Variants in NFASC observed in about 807,000 individuals in gnomAD.
The protein encoded by NFASC is neurofascin homolog.
Under a neutral mutation model 147.5 loss-of-function variants are expected in NFASC, and 43 were observed. That is an observed-to-expected ratio of 0.29 (90% confidence interval 0.23 to 0.38). The LOEUF (loss-of-function observed/expected upper bound fraction) is 0.38. NFASC is among the 10% of genes least tolerant of loss of function. The pLI, the probability that NFASC is intolerant of heterozygous loss-of-function variation, is 1.00. For missense variants in NFASC, 1,320 were observed against 1,689.0 expected (o/e 0.78, Z 3.83); for synonymous variants, 622 against 665.5 (o/e 0.93, Z 1.01).
intron 1 of NFASC, among the ~76,000 whole-genome samples, chr1:204,829,768 G>A (rs1257326794): frequency 6.6e-6 from 1 of 152,192 alleles, no homozygotes. Context: ...GAGCCCTGAT[G>A]TAAAGGCCTG....
intron 1 of NFASC, among the ~76,000 whole-genome samples, chr1:204,833,752 G>T (rs113269495): frequency 0.022 from 3,275 of 152,278 alleles, 114 homozygotes; most frequent in African/African-American, 0.075. Context: ...AGTTGGATTA[G>T]GTTGTTGGAG....
At chr1:204,858,978 C>CTT (rs56763796) in intron 1 of NFASC, among the ~76,000 whole-genome samples, 7 of 139,568 alleles carry the variant, frequency 5.0e-5, no homozygotes, top group Non-Finnish European at 6.2e-5. Flanking sequence ...AATGCACTGA[C>CTT]TTTTTTTTTT....
At chr1:204,853,094 C>A in intron 1 of NFASC, among the ~76,000 whole-genome samples, 1 of 151,988 alleles carries the variant, frequency 6.6e-6, no homozygotes, top group African/African-American at 2.4e-5. Flanking sequence ...TGTGGAAAGC[C>A]TAAACCCCAG....
chr1:205,021,486 G>A lies in NFASC; in HGVS notation c.*4947G>A, dbSNP rs1409168980. 6.5e-6 allele frequency: 1 copy of A among 152,726 alleles called. No individual in the cohort carries two copies. Among genetic ancestry groups the A allele is most frequent in the Non-Finnish European group, 1.5e-5 (1 of 68,058 alleles). The allele number at this position is 152,726 out of a possible 1,614,324, so 9.5% of individuals were successfully genotyped here. A position where few individuals can be genotyped will look rare whatever the true frequency, so the allele number is the denominator to read the frequency against. ...ACAGAATCGGATTTCGGCATGTGAA[G>A]GAATCCCAGAGCTGATCTCATTGAA... On this transcript the variant is annotated 3_prime_UTR_variant, in exon 30 of 30. Coordinates refer to ENST00000339876, the MANE Select transcript of NFASC (RefSeq NM_001005388.3).
chr1:204,982,091 C>A, intron 21 of NFASC, 71 bp downstream of exon 21: 2 of 1,053,158 alleles, frequency 1.9e-6, no homozygotes, highest in African/African-American at 1.6e-5. Flanking sequence ...CGCTCACAGG[C>A]CAGGAACCTT....
intron 1 of NFASC, among the ~76,000 whole-genome samples, chr1:204,842,097 G>GA (rs1366730036): frequency 2.0e-5 from 3 of 152,156 alleles, no homozygotes; most frequent in Non-Finnish European, 4.4e-5. Context: ...AACCCACACT[G>GA]AAAAGAGAAC....
chr1:204,933,931 A>T (rs184691528), intron 2 of NFASC, among the ~76,000 whole-genome samples: 87 of 152,218 alleles, frequency 5.7e-4, no homozygotes, highest in African/African-American at 2.0e-3. Context: ...TATGGTCAGG[A>T]GTTCGAGGCC....
At chr1:204,948,511 T>G (rs2093924899) in intron 3 of NFASC, 3 of 483,686 alleles carry the variant, frequency 6.2e-6, no homozygotes, top group Non-Finnish European at 1.2e-5. Flanking sequence ...TTCTCCAGAA[T>G]GTCAAGGAGA....
intron 21 of NFASC, chr1:204,984,133 A>G: frequency 6.2e-7 from 1 of 1,612,828 alleles, no homozygotes. Flanking sequence ...GCCAGCTCAG[A>G]GAGTACCGAG....
At chr1:204,974,388 A>T in intron 13 of NFASC, 98 bp downstream of exon 13, 1 of 957,070 alleles carries the variant, frequency 1.0e-6, no homozygotes. Context: ...AGACCTGGGA[A>T]TCTTAAAGGG....
chr1:204,917,895 G>A (rs932377251), intron 1 of NFASC, among the ~76,000 whole-genome samples: 3 of 152,170 alleles, frequency 2.0e-5, no homozygotes, highest in Non-Finnish European at 2.9e-5. Context: ...TGCTAGAGGT[G>A]CTCATTCTGA....
At position 204,977,729 on chromosome 1, in the gene NFASC, A is replaced by T; in HGVS notation, c.1876+4A>T. On this transcript the variant is annotated splice_donor_region_variant and intron_variant, in intron 17 of 29. Transcript: ENST00000339876. ...CGTTTGGCTGCCCTGCCCAAAGGTA[A>T]TTCCCACTAATCACAGTCCCCTGCC... 6.2e-7 allele frequency: 1 copy of T among 1,608,080 alleles called. No individual in the cohort carries two copies. Among genetic ancestry groups the T allele is most frequent in the Non-Finnish European group, 8.5e-7 (1 of 1,175,340 alleles).
rs148589226 is a variant in NFASC, at chr1:204,979,370, G to T, written c.1987G>T (p.Val663Phe). 1.2e-6 allele frequency: 2 copies of T among 1,613,892 alleles called. No individual in the cohort carries two copies. The highest frequency in any genetic ancestry group is 1.7e-6 in the Non-Finnish European group (2 of 1,179,796). The change falls in exon 19 of 30, where the codon GTC becomes TTC. Residue 663 changes from valine to phenylalanine, a missense_variant. Around this residue, in one of 3 missense-constraint regions of NFASC, gnomAD observed 981 missense variants for 1,289.5 expected, o/e 0.76. Coordinates refer to ENST00000339876, the MANE Select transcript of NFASC (RefSeq NM_001005388.3). This position sits in a 1 kb window ranked among gnomAD's most constrained non-coding sequence, Gnocchi z 6.0. ...ANNSPITDYV[V>F]QFEEDQFQPG... is the part of the protein sequence containing the mutation. ...TTTCCTTGCCCACTCAGACTACGTC[G>T]TCCAGTTTGAAGAAGACCAGTTCCA... is the stretch of plus-strand genomic sequence containing the variant.
At chr1:204,933,091 C>T (rs2092512028) in intron 2 of NFASC, among the ~76,000 whole-genome samples, 1 of 152,122 alleles carries the variant, frequency 6.6e-6, no homozygotes. Flanking sequence ...ACCTTGAGTG[C>T]TGCACTCAGA....
At chr1:204,839,401 A>G (rs1203082615) in intron 1 of NFASC, among the ~76,000 whole-genome samples, 1 of 128,334 alleles carries the variant, frequency 7.8e-6, no homozygotes, top group Non-Finnish European at 1.6e-5. Flanking sequence ...ACACACACAC[A>G]CACACACACA....
chr1:204,956,037 C>T (rs2094409397), intron 7 of NFASC, among the ~76,000 whole-genome samples: 1 of 152,160 alleles, frequency 6.6e-6, no homozygotes. Flanking sequence ...ATTCACAGTT[C>T]AACTTCTCCT....
At chr1:205,011,800 C>T (rs1351972633) in intron 28 of NFASC, among the ~76,000 whole-genome samples, 1 of 152,216 alleles carries the variant, frequency 6.6e-6, no homozygotes, top group East Asian at 1.9e-4. Context: ...GACACATAGG[C>T]CGGGCGCGGT....
rs945314049 is a variant in NFASC at position 204,975,130 on chromosome 1, C to T, written c.1559-141C>T. On this transcript the variant is annotated intron_variant, in intron 14 of 29. Coordinates refer to ENST00000339876, the MANE Select transcript of NFASC (RefSeq NM_001005388.3). This position sits in a 1 kb window ranked among gnomAD's most constrained non-coding sequence, Gnocchi z 4.0. ...GGATTACCCACCCAGAACTCTGCTC[C>T]GTTCATACCATAGCATACTGTTTGT... 6.5e-5 allele frequency: 59 copies of T among 913,276 alleles called. No homozygotes were observed. Among genetic ancestry groups the T allele is most frequent in the Middle Eastern group, 3.4e-4 (1 of 2,900 alleles). The allele number at this position is 913,276 out of a possible 1,614,324, so 56.6% of individuals were successfully genotyped here.
At chr1:204,922,087 G>A (rs1283923239) in intron 2 of NFASC, among the ~76,000 whole-genome samples, 2 of 152,138 alleles carry the variant, frequency 1.3e-5, no homozygotes, top group African/African-American at 4.8e-5. Context: ...TTGCAAAAGC[G>A]GTGTACCCAT....
Sources: gnomAD v4.1 joint callset for allele counts (sites outside exome capture counted in the v4.1 genomes callset) on GRCh38, gnomAD v4.1.1 for gene constraint, gnomAD v4.1.1 regional missense constraint, Gnocchi (gnomAD v3.1) non-coding constraint, MANE v1.5 for transcripts, NCBI Gene and HGNC (gene_info 2026-07-23, HGNC 2026-07-21) for gene names.